Variants in HYDIN observed in about 807,000 individuals in gnomAD.
HYDIN encodes axonemal central pair apparatus protein HYDIN.
A neutral mutation model predicts 403.9 loss-of-function variants in HYDIN; 132 were observed. That is an observed-to-expected ratio of 0.33 (90% CI 0.28 to 0.38). HYDIN has a LOEUF of 0.38. Among genes scored for constraint, HYDIN ranks in the 10% least tolerant of loss-of-function variants. The pLI, the probability that HYDIN is intolerant of heterozygous loss-of-function variation, is 1.00. For missense variants in HYDIN, 2,827 were observed against 5,009.5 expected (o/e 0.56, Z 13.15); for synonymous variants, 1,202 against 1,891.7 (o/e 0.64, Z 9.46).
chr16:71,226,359 T>C (rs1183359003), intron 1 of HYDIN, among the ~76,000 whole-genome samples: 2 of 151,944 alleles, frequency 1.3e-5, no homozygotes, highest in African/African-American at 4.8e-5. Flanking sequence ...CTTTAACAAA[T>C]GGGGTTGGAA....
At chr16:70,810,432 T>C (rs1373258628) in intron 84 of HYDIN, among the ~76,000 whole-genome samples, 4 of 152,192 alleles carry the variant, frequency 2.6e-5, no homozygotes, top group African/African-American at 4.8e-5. Flanking sequence ...ATTTCTTATA[T>C]AGCAAAACAA....
At chr16:70,922,211 C>G (rs533993102) in intron 45 of HYDIN, among the ~76,000 whole-genome samples, 154 of 152,338 alleles carry the variant, frequency 1.0e-3, no homozygotes, top group Middle Eastern at 3.4e-3. Flanking sequence ...GGCAGCAACA[C>G]TGCAGGCTGG....
intron 15 of HYDIN, chr16:71,066,557 A>G: frequency 5.1e-6 from 1 of 195,876 alleles, no homozygotes; most frequent in South Asian, 9.6e-5. Context: ...CATACAACTT[A>G]AAGTCCCAGA....
chr16:70,967,387 T>C (rs2078609124), intron 36 of HYDIN, among the ~76,000 whole-genome samples: 1 of 152,078 alleles, frequency 6.6e-6, no homozygotes, highest in African/African-American at 2.4e-5. Context: ...CTTGGTTTAC[T>C]GCAGCCTCGA....
At chr16:71,133,570 G>A (rs957576063) in intron 8 of HYDIN, among the ~76,000 whole-genome samples, 28 of 152,104 alleles carry the variant, frequency 1.8e-4, no homozygotes, top group African/African-American at 5.3e-4. Flanking sequence ...CCACTCTGAG[G>A]GGCTCCTTTG....
At chr16:70,820,221 C>T (rs1187898054) in intron 83 of HYDIN, among the ~76,000 whole-genome samples, 4 of 97,882 alleles carry the variant, frequency 4.1e-5, no homozygotes, top group South Asian at 3.6e-4. Context: ...GATGGAGTCT[C>T]GCTCTGTCGC....
chr16:71,200,765 A>C (rs1037073005), intron 1 of HYDIN, among the ~76,000 whole-genome samples: 3 of 152,178 alleles, frequency 2.0e-5, no homozygotes, highest in African/African-American at 7.2e-5. Context: ...TGGGCTACTG[A>C]TCTTCTTTCA....
rs557772766 is a variant in HYDIN at position 71,208,852 on chromosome 16, T to G, written c.-24+21710A>C. On this transcript the variant is annotated intron_variant, in intron 1 of 85. Coordinates refer to ENST00000393567, the MANE Select transcript of HYDIN (RefSeq NM_001270974.2). ...CTCCCAAGACTGAATCAGGGAGAAA[T>G]TGAATCCCTAAACAGACTAATAACA... Among the ~76,000 whole-genome samples the G allele has an allele frequency of 6.6e-5, 10 of 152,246 alleles. No individual in the cohort carries two copies. The South Asian group carries it at 2.1e-3, about 32-fold the overall frequency.
At chr16:71,136,733 C>T (rs1271187606) in intron 8 of HYDIN, among the ~76,000 whole-genome samples, 1 of 140,494 alleles carries the variant, frequency 7.1e-6, no homozygotes, top group Admixed American at 7.7e-5. Flanking sequence ...CGCCACTGCA[C>T]ACCAGCCCTG....
At chr16:71,195,729 A>G (rs1428102534) in intron 1 of HYDIN, among the ~76,000 whole-genome samples, 1 of 152,228 alleles carries the variant, frequency 6.6e-6, no homozygotes. Context: ...CTGTCTCTGC[A>G]GGATATGTGC....
chr16:70,926,639 A>G (rs918932439), intron 45 of HYDIN, among the ~76,000 whole-genome samples: 1 of 151,802 alleles, frequency 6.6e-6, no homozygotes, highest in Non-Finnish European at 1.5e-5. Context: ...TGGCATCTAA[A>G]GAGACAAAAC....
chr16:71,193,634 TAA>T (rs1300356690), intron 1 of HYDIN, among the ~76,000 whole-genome samples: 1 of 152,194 alleles, frequency 6.6e-6, no homozygotes, highest in Non-Finnish European at 1.5e-5. Context: ...GAGCTGAGTC[TAA>T]AAGAGTTCAA....
At chr16:70,877,834 C>T (rs1485160048) in intron 62 of HYDIN, among the ~76,000 whole-genome samples, 1 of 152,018 alleles carries the variant, frequency 6.6e-6, no homozygotes, top group East Asian at 1.9e-4. Context: ...ACAACGGAAA[C>T]CGGAATACAG....
chr16:71,043,889 G>A (rs1474006601), intron 18 of HYDIN, among the ~76,000 whole-genome samples: 4 of 148,728 alleles, frequency 2.7e-5, no homozygotes, highest in Non-Finnish European at 5.9e-5. Flanking sequence ...AGGAGCTCAA[G>A]ACCAGCCTGG....
chr16:71,086,079 C>A (rs1178356496), intron 12 of HYDIN, among the ~76,000 whole-genome samples: 7 of 152,046 alleles, frequency 4.6e-5, no homozygotes, highest in East Asian at 1.9e-4. Flanking sequence ...TCCTCTATTC[C>A]TCCATTACTG....
At chr16:70,906,575 C>A (rs2076543510) in intron 50 of HYDIN, among the ~76,000 whole-genome samples, 1 of 152,184 alleles carries the variant, frequency 6.6e-6, no homozygotes, top group Admixed American at 6.5e-5. Context: ...CTCTTCCTTC[C>A]ATTTCCTCTC....
rs532383794 is a variant in HYDIN, at chr16:71,144,549, A to C, written c.842-7197T>G. Among the ~76,000 whole-genome samples, 7 of 148,306 alleles carry C rather than the reference A, an allele frequency of 4.7e-5. No individual in the cohort carries two copies. The South Asian group carries it at 1.5e-3, about 33-fold the overall frequency. ...CTCAGGTAAAATCAACTGCTTAAAC[A>C]AACTTGATTTTACTATACGCAGGCA... On this transcript the variant is annotated intron_variant, in intron 7 of 85. Coordinates refer to ENST00000393567, the MANE Select transcript of HYDIN (RefSeq NM_001270974.2).
intron 36 of HYDIN, among the ~76,000 whole-genome samples, chr16:70,965,558 C>T (rs936639178): frequency 6.6e-6 from 1 of 152,110 alleles, no homozygotes; most frequent in Non-Finnish European, 1.5e-5. Context: ...CTAAATCTGG[C>T]AATCCTAGTG....
intron 3 of HYDIN, among the ~76,000 whole-genome samples, chr16:71,183,186 T>C (rs2086978781): frequency 6.6e-6 from 1 of 152,068 alleles, no homozygotes; most frequent in African/African-American, 2.4e-5. Flanking sequence ...AAGAGGTCTG[T>C]TGAACCAGGT....
Sources: gnomAD v4.1 joint callset for allele counts (sites outside exome capture counted in the v4.1 genomes callset) on GRCh38, gnomAD v4.1.1 for gene constraint, MANE v1.5 for transcripts, NCBI Gene and HGNC (gene_info 2026-07-23, HGNC 2026-07-21) for gene names.